EDIL3: variants seen among roughly 807,000 people sequenced by gnomAD.
EDIL3 encodes EGF like and discoidin domains 3, also known as EGF-like repeat and discoidin I-like domain-containing protein 3.
Under a neutral mutation model 67.4 loss-of-function variants are expected in EDIL3, and 37 were observed. The ratio of observed to expected loss-of-function variants is 0.55; its 90% confidence interval spans 0.42 to 0.72. The LOEUF is 0.72. Ranked by LOEUF, EDIL3 falls within the 30% of genes least tolerant of loss-of-function variation. The pLI, the probability that EDIL3 is intolerant of heterozygous loss-of-function variation, is 0.00. For missense variants in EDIL3, 527 were observed against 586.3 expected (o/e 0.90, Z 1.04); for synonymous variants, 195 against 196.3 (o/e 0.99, Z 0.05).
At chr5:84,262,659 G>GTTTTTTTTT (rs773035274) in intron 1 of EDIL3, among the ~76,000 whole-genome samples, 2,231 of 46,312 alleles carry the variant, frequency 0.048, 760 homozygotes, top group Middle Eastern at 0.14. Flanking sequence ...AGGTTGGTTG[G>GTTTTTTTTT]TTTTTTTTTT....
intron 9 of EDIL3, among the ~76,000 whole-genome samples, chr5:83,964,137 C>A (rs1359701412): frequency 1.3e-5 from 2 of 151,790 alleles, no homozygotes; most frequent in African/African-American, 2.4e-5. Context: ...AATTGACATG[C>A]AAAAGATAGG....
Position 84,106,774 on chromosome 5 carries a change from C to A in EDIL3, c.526G>T (p.Ala176Ser). The A allele has an allele frequency of 6.2e-7, 1 of 1,613,076 alleles. No individual in the cohort carries two copies. The highest frequency in any genetic ancestry group is 1.3e-5 in the African/African-American group (1 of 74,954). ...GGIISNQQIT[A>S]SSTHRALFGL... ...AAAAGAGCTCGGTGAGTAGAGGAAG[C>A]TGTGATTTGCTGGTTTGATATAATT... The change falls in exon 6 of 11, where the codon GCT becomes TCT. Residue 176 changes from alanine (A) to serine (S), a missense_variant. Transcript: ENST00000296591.
intron 3 of EDIL3, among the ~76,000 whole-genome samples, chr5:84,194,493 T>C (rs1743658314): frequency 6.6e-6 from 1 of 151,946 alleles, no homozygotes; most frequent in Non-Finnish European, 1.5e-5. Flanking sequence ...AAAAAACTTC[T>C]CTGTATGCTT....
At chr5:84,030,091 G>A (rs1481209390) in intron 9 of EDIL3, among the ~76,000 whole-genome samples, 1 of 152,068 alleles carries the variant, frequency 6.6e-6, no homozygotes, top group Non-Finnish European at 1.5e-5. Context: ...GGACTTACTC[G>A]GATTTGAATG....
chr5:84,332,932 A>T (rs1746905301), intron 1 of EDIL3, among the ~76,000 whole-genome samples: 1 of 152,326 alleles, frequency 6.6e-6, no homozygotes, highest in Admixed American at 6.5e-5. Flanking sequence ...GACAGGGGAA[A>T]AATTCCAGAA....
At chr5:84,129,619 A>C (rs1401888675) in intron 5 of EDIL3, among the ~76,000 whole-genome samples, 2 of 152,158 alleles carry the variant, frequency 1.3e-5, no homozygotes, top group East Asian at 3.8e-4. Flanking sequence ...AGAGACAAAA[A>C]TCATTACCAA....
At chr5:84,244,066 C>G (rs1213096457) in intron 2 of EDIL3, among the ~76,000 whole-genome samples, 1 of 152,078 alleles carries the variant, frequency 6.6e-6, no homozygotes, top group African/African-American at 2.4e-5. Context: ...AACAAAACTC[C>G]AGAAACGATG....
chr5:84,370,989 C>T (rs532838246), intron 1 of EDIL3, among the ~76,000 whole-genome samples: 14 of 152,054 alleles, frequency 9.2e-5, no homozygotes, highest in East Asian at 1.9e-4. Flanking sequence ...TAAGGTACCA[C>T]GTTTGGAGCT....
At chr5:84,070,412 A>C (rs1746716215) in intron 6 of EDIL3, among the ~76,000 whole-genome samples, 1 of 152,122 alleles carries the variant, frequency 6.6e-6, no homozygotes, top group African/African-American at 2.4e-5. Flanking sequence ...GCTCCCAATG[A>C]CCTGCCCATC....
intron 6 of EDIL3, among the ~76,000 whole-genome samples, chr5:84,089,609 C>T (rs986791515): frequency 2.9e-4 from 44 of 152,166 alleles, no homozygotes; most frequent in African/African-American, 6.8e-4. Context: ...ATTCAGAACA[C>T]GGACCACTTA....
chr5:84,115,814 A>G (rs1310899849), intron 5 of EDIL3, among the ~76,000 whole-genome samples: 11 of 152,228 alleles, frequency 7.2e-5, no homozygotes, highest in Admixed American at 7.2e-4. Flanking sequence ...AAGAGCTAAG[A>G]AGGGTATAAT....
intron 2 of EDIL3, among the ~76,000 whole-genome samples, chr5:84,237,777 A>T (rs1048346603): frequency 6.6e-6 from 1 of 152,172 alleles, no homozygotes; most frequent in Admixed American, 6.5e-5. Context: ...TATTTTTTAA[A>T]AAAAGGACTA....
chr5:84,038,990 G>A (rs1746072348), intron 9 of EDIL3, among the ~76,000 whole-genome samples: 1 of 152,080 alleles, frequency 6.6e-6, no homozygotes, highest in Non-Finnish European at 1.5e-5. Context: ...CTCTGGAATG[G>A]GCATTTACTA....
At chr5:84,075,966 TATAA>T (rs1188775129) in intron 6 of EDIL3, among the ~76,000 whole-genome samples, 6 of 129,120 alleles carry the variant, frequency 4.6e-5, no homozygotes, top group African/African-American at 1.0e-4. Flanking sequence ...TATATATATA[TATAA>T]ATATTTATCA....
intron 1 of EDIL3, among the ~76,000 whole-genome samples, chr5:84,304,939 C>A (rs983806323): frequency 1.3e-5 from 2 of 152,134 alleles, no homozygotes; most frequent in Non-Finnish European, 2.9e-5. Flanking sequence ...TAAGTAGAAT[C>A]TTCATCAATA....
rs114351390 is a variant in EDIL3 at position 84,056,695 on chromosome 5, T to G, written c.1137+3605A>C. On this transcript the variant is annotated intron_variant, in intron 9 of 10. Transcript: ENST00000296591. The stretch of plus-strand genomic sequence containing the variant: ...TTTTTAGCTGGTATATAAAAGACAT[T>G]TTTTAAAAAAATAGCAAGAGATTGA... Among the ~76,000 whole-genome samples, 601 of 152,134 alleles carry G rather than the reference T, an allele frequency of 4.0e-3. 2 individuals carry two copies. The highest frequency in any genetic ancestry group is 6.8e-3 in the Non-Finnish European group (463 of 67,984).
chr5:84,270,406 T>C (rs1745445025), intron 1 of EDIL3, among the ~76,000 whole-genome samples: 1 of 152,214 alleles, frequency 6.6e-6, no homozygotes, highest in Admixed American at 6.5e-5. Flanking sequence ...AGGTTTATCA[T>C]AGCTGTTTAA....
At chr5:84,056,034 A>G (rs1365692644) in intron 9 of EDIL3, among the ~76,000 whole-genome samples, 1 of 152,200 alleles carries the variant, frequency 6.6e-6, no homozygotes, top group African/African-American at 2.4e-5. Flanking sequence ...AGCACTCCTC[A>G]CAATAGCAAA....
At chr5:84,238,774 C>T (rs1380545418) in intron 2 of EDIL3, among the ~76,000 whole-genome samples, 1 of 140,094 alleles carries the variant, frequency 7.1e-6, no homozygotes, top group East Asian at 2.3e-4. Context: ...TTCTTATCTG[C>T]AAAACTTGTC....
Sources: gnomAD v4.1 joint callset for allele counts (sites outside exome capture counted in the v4.1 genomes callset) on GRCh38, gnomAD v4.1.1 for gene constraint, MANE v1.5 for transcripts, NCBI Gene and HGNC (gene_info 2026-07-23, HGNC 2026-07-21) for gene names.